Variants in TMTC2 observed in about 807,000 individuals in gnomAD.
The protein encoded by TMTC2 is protein O-mannosyl-transferase TMTC2.
Under a neutral mutation model 82.4 loss-of-function variants are expected in TMTC2, and 43 were observed. The ratio of observed to expected loss-of-function variants is 0.52; its 90% CI spans 0.41 to 0.67. The LOEUF (loss-of-function observed/expected upper bound fraction) is 0.67. Ranked by LOEUF, TMTC2 falls within the 30% of genes least tolerant of loss-of-function variation. TMTC2 has a pLI of 0.00. For missense variants in TMTC2, 919 were observed against 1,012.4 expected (o/e 0.91, Z 1.25); for synonymous variants, 408 against 381.9 (o/e 1.07, Z -0.80).
chr12:83,119,497 G>T (rs7970678), intron 11 of TMTC2, among the ~76,000 whole-genome samples: 3,358 of 152,166 alleles, frequency 0.022, 126 homozygotes, highest in African/African-American at 0.077. Context: ...TTCCACTGTG[G>T]TGTGAGAGAG....
chr12:82,989,061 AAAC>A (rs761120157), intron 8 of TMTC2, among the ~76,000 whole-genome samples: 1 of 151,758 alleles, frequency 6.6e-6, no homozygotes, highest in Non-Finnish European at 1.5e-5. Context: ...AAAGAGACAG[AAAC>A]ATACAGCATT....
At chr12:83,070,681 A>G (rs1465877396) in intron 11 of TMTC2, among the ~76,000 whole-genome samples, 1 of 152,090 alleles carries the variant, frequency 6.6e-6, no homozygotes, top group African/African-American at 2.4e-5. Context: ...GATGCCCCTT[A>G]TTTCTTTCTC....
At chr12:82,863,419 A>C (rs2137123928) in intron 2 of TMTC2, among the ~76,000 whole-genome samples, 1 of 152,336 alleles carries the variant, frequency 6.6e-6, no homozygotes, top group Non-Finnish European at 1.5e-5. Context: ...ATTTCCTCCC[A>C]GTAAACTTGT....
chr12:82,856,531 T>C (rs1024422432), intron 1 of TMTC2, among the ~76,000 whole-genome samples: 41 of 152,176 alleles, frequency 2.7e-4, no homozygotes, highest in Non-Finnish European at 5.4e-4. Context: ...AACAGGGTTG[T>C]CAGGTGATTT....
intron 9 of TMTC2, among the ~76,000 whole-genome samples, chr12:83,045,736 C>CACACACACACACACACACACACAG (rs1565867393): frequency 1.4e-4 from 21 of 151,366 alleles, no homozygotes; most frequent in Non-Finnish European, 2.8e-4. Context: ...CGCACACACA[C>CACACACACACACACACACACACAG]ACACACACAC....
At chr12:83,091,221 GCATAA>G (rs1280905620) in intron 11 of TMTC2, among the ~76,000 whole-genome samples, 1 of 151,992 alleles carries the variant, frequency 6.6e-6, no homozygotes, top group Admixed American at 6.6e-5. Context: ...AGATGGTGAA[GCATAA>G]CCAAAGATGA....
intron 1 of TMTC2, among the ~76,000 whole-genome samples, chr12:82,854,250 A>C (rs759928113): frequency 1.3e-5 from 2 of 152,340 alleles, no homozygotes; most frequent in South Asian, 4.1e-4. Context: ...TCAAAATATC[A>C]GTTTAGAAAA....
At chr12:83,113,388 C>A (rs1016105975) in intron 11 of TMTC2, among the ~76,000 whole-genome samples, 1 of 152,108 alleles carries the variant, frequency 6.6e-6, no homozygotes, top group Admixed American at 6.6e-5. Flanking sequence ...AAAACTTTAA[C>A]TTAGGAGATG....
chr12:82,884,777 A>G (rs2137161081), intron 2 of TMTC2, among the ~76,000 whole-genome samples: 1 of 152,300 alleles, frequency 6.6e-6, no homozygotes, highest in South Asian at 2.1e-4. Flanking sequence ...TCAATAGTTT[A>G]TTCAGATTTT....
chr12:83,086,019 T>G (rs959402358), intron 11 of TMTC2, among the ~76,000 whole-genome samples: 2 of 152,230 alleles, frequency 1.3e-5, no homozygotes, highest in Non-Finnish European at 2.9e-5. Context: ...TAGGGAACTT[T>G]TAGCCTATTG....
At chr12:82,981,568 A>G (rs2088511201) in intron 7 of TMTC2, among the ~76,000 whole-genome samples, 1 of 151,922 alleles carries the variant, frequency 6.6e-6, no homozygotes, top group African/African-American at 2.4e-5. Flanking sequence ...CATTCTTATG[A>G]AAGTACCTTT....
intron 2 of TMTC2, among the ~76,000 whole-genome samples, chr12:82,875,372 G>A (rs1178591689): frequency 1.4e-5 from 2 of 141,978 alleles, no homozygotes; most frequent in African/African-American, 3.1e-5. Context: ...TCATATATGT[G>A]TGTATATATA....
chr12:83,032,285 A>ATATG (rs758602158), intron 9 of TMTC2, among the ~76,000 whole-genome samples: 3,832 of 85,574 alleles, frequency 0.045, 154 homozygotes, highest in East Asian at 0.19. Flanking sequence ...ATATATATAT[A>ATATG]TATATATATA....
intron 2 of TMTC2, among the ~76,000 whole-genome samples, chr12:82,873,711 G>T (rs925271205): frequency 2.0e-5 from 3 of 152,126 alleles, no homozygotes; most frequent in African/African-American, 7.2e-5. Context: ...GAATTAGGTT[G>T]TATTTAAAAT....
At chr12:82,753,990 G>A (rs1876160872) in intron 1 of TMTC2, among the ~76,000 whole-genome samples, 1 of 152,306 alleles carries the variant, frequency 6.6e-6, no homozygotes, top group Non-Finnish European at 1.5e-5. Flanking sequence ...GGATCCAACA[G>A]TTAAATCTGT....
chr12:83,124,209 G>A (rs1465913380), intron 11 of TMTC2, among the ~76,000 whole-genome samples: 2 of 152,164 alleles, frequency 1.3e-5, no homozygotes, highest in East Asian at 3.8e-4. Flanking sequence ...TTTGTTCACT[G>A]CGTATCCATT....
chr12:82,782,026 G>A (rs1225154512), intron 1 of TMTC2, among the ~76,000 whole-genome samples: 1 of 152,080 alleles, frequency 6.6e-6, no homozygotes. Flanking sequence ...CCCATCCGCA[G>A]AGAAAAGCCT....
intron 1 of TMTC2, among the ~76,000 whole-genome samples, chr12:82,730,468 C>A (rs1409935065): frequency 6.6e-6 from 1 of 152,080 alleles, no homozygotes; most frequent in Non-Finnish European, 1.5e-5. Context: ...AGTATGTGCC[C>A]TCCAAAAAGA....
At chr12:83,052,848 A>G (rs1005281227) in intron 10 of TMTC2, among the ~76,000 whole-genome samples, 1 of 151,906 alleles carries the variant, frequency 6.6e-6, no homozygotes, top group Non-Finnish European at 1.5e-5. Flanking sequence ...TATTTTCAGA[A>G]CCTCCTCTCC....
Sources: gnomAD v4.1 joint callset for allele counts (sites outside exome capture counted in the v4.1 genomes callset) on GRCh38, gnomAD v4.1.1 for gene constraint, MANE v1.5 for transcripts, NCBI Gene and HGNC (gene_info 2026-07-23, HGNC 2026-07-21) for gene names.